The following USP8 variants were observed in gnomAD, a reference collection of about 807,000 sequenced individuals.
The protein encoded by USP8 is ubiquitin carboxyl-terminal hydrolase 8.
A neutral mutation model predicts 130.0 loss-of-function variants in USP8; 27 were observed. That is an observed-to-expected ratio of 0.21 (90% CI 0.15 to 0.29). The LOEUF (loss-of-function observed/expected upper bound fraction) is 0.29, where lower values mean the gene tolerates loss of function less well. Ranked by LOEUF, USP8 falls within the 10% of genes least tolerant of loss-of-function variation. USP8 has a pLI of 1.00. For synonymous variants in USP8, 392 were observed against 444.1 expected (o/e 0.88, Z 1.48); for missense variants, 1,029 against 1,312.2 (o/e 0.78, Z 3.33).
intron 3 of USP8, among the ~76,000 whole-genome samples, chr15:50,446,626 A>G (rs988228488): frequency 1.3e-5 from 2 of 152,240 alleles, no homozygotes; most frequent in Admixed American, 6.5e-5. Flanking sequence ...TGTAATGTTC[A>G]ATTGATACGA....
chr15:50,428,126 G>A (rs1310051502), intron 1 of USP8, among the ~76,000 whole-genome samples: 1 of 150,976 alleles, frequency 6.6e-6, no homozygotes, highest in African/African-American at 2.4e-5. Context: ...TTTTTTGTTT[G>A]TTTGTTTTTG....
chr15:50,498,875 A>ATT, intron 19 of USP8, 28 bp from the exon 20 acceptor site: 5 of 1,560,972 alleles, frequency 3.2e-6, no homozygotes, highest in South Asian at 2.4e-5. Context: ...AACTGAATTG[A>ATT]TTTTTTTTTC....
At chr15:50,465,291 G>T in intron 7 of USP8, 100 bp downstream of exon 7, 1 of 1,092,600 alleles carries the variant, frequency 9.2e-7, no homozygotes, top group Non-Finnish European at 1.2e-6. Context: ...ATGTGATAAA[G>T]TAGTCTTTTC....
chr15:50,453,041 C>A (rs889613470), intron 4 of USP8, among the ~76,000 whole-genome samples: 1 of 152,036 alleles, frequency 6.6e-6, no homozygotes. Context: ...GTTGATATTT[C>A]CATAGAGATA....
At position 50,500,561 on chromosome 15, in the gene USP8, G is replaced by T; in HGVS notation, c.*1473G>T. ...AGGCATAAAAATGTTAATGATGCAA[G>T]TAAGTTCTAAGAGTTTAATGACCAA... is the stretch of plus-strand genomic sequence containing the variant. On this transcript the variant is annotated 3_prime_UTR_variant, in exon 20 of 20. Coordinates refer to ENST00000307179, the MANE Select transcript of USP8 (RefSeq NM_005154.5). 2.0e-6 allele frequency: 1 copy of T among 499,132 alleles called. No homozygotes were observed. Among genetic ancestry groups the T allele is most frequent in the Non-Finnish European group, 3.6e-6 (1 of 274,582 alleles). 30.9% of individuals were successfully genotyped at this position (499,132 alleles called of 1,614,324 possible). A position where few individuals can be genotyped will look rare whatever the true frequency, so the allele number is the denominator to read the frequency against.
Position 50,449,396 on chromosome 15 carries a change from T to A in USP8, c.250-4T>A. Reference sequence around the variant, plus strand: ...AATATGGGATGGTTTTCCTATAATTTTAGGATTATTTCCATTCAATACTTG... The same window carrying A: ...AATATGGGATGGTTTTCCTATAATTATAGGATTATTTCCATTCAATACTTG... On this transcript the variant is annotated splice_polypyrimidine_tract_variant and splice_region_variant and intron_variant, in intron 3 of 19. Transcript: ENST00000307179. 6.4e-7 allele frequency: 1 copy of A among 1,560,926 alleles called. No individual in the cohort carries two copies. The highest frequency in any genetic ancestry group is 8.7e-7 in the Non-Finnish European group (1 of 1,152,864).
chr15:50,477,496 A>G lies in USP8; in HGVS notation c.1215A>G (p.Pro405=), dbSNP rs762029877. 4 of 1,610,094 alleles carry G rather than the reference A, an allele frequency of 2.5e-6. No individual in the cohort carries two copies. The highest frequency in any genetic ancestry group is 1.7e-5 in the Admixed American group (1 of 59,366). ...IQPVPSIKNV[P]QIDRTKKPAV... ...CAGTGCCTAGTATAAAGAATGTTCCACAGGTATGTTCTTGATTTTAACATT... is the reference window on the plus strand; with the variant it reads ...CAGTGCCTAGTATAAAGAATGTTCCGCAGGTATGTTCTTGATTTTAACATT... Residue 405 remains proline (P), a synonymous_variant, in exon 10 of 20, where the codon CCA becomes CCG. Transcript: ENST00000307179.
rs1043974046 is a variant in USP8, at chr15:50,504,139, A to G, written c.*5051A>G. 2 of 152,250 alleles carry G rather than the reference A, an allele frequency of 1.3e-5. No individual in the cohort carries two copies. The highest frequency in any genetic ancestry group is 4.8e-5 in the African/African-American group (2 of 41,464). The allele number at this position is 152,250 out of a possible 1,614,324, so 9.4% of individuals were successfully genotyped here. Reference sequence around the variant, plus strand: ...ACATATTTTAAAATACAGTGTAACAACTATTTACATAGTATTTATATTGTA... The same window carrying G: ...ACATATTTTAAAATACAGTGTAACAGCTATTTACATAGTATTTATATTGTA... On this transcript the variant is annotated 3_prime_UTR_variant, in exon 20 of 20. Transcript: ENST00000307179.
At chr15:50,439,256 T>C in intron 2 of USP8, 79 bp downstream of exon 2, 1 of 924,928 alleles carries the variant, frequency 1.1e-6, no homozygotes, top group Admixed American at 3.2e-5. Flanking sequence ...TAGATGAATG[T>C]TAAAGTTTAT....
intron 12 of USP8, among the ~76,000 whole-genome samples, chr15:50,488,538 C>T (rs1216966420): frequency 7.1e-6 from 1 of 141,408 alleles, no homozygotes; most frequent in East Asian, 2.3e-4. Context: ...TGCATGCCAT[C>T]ACATCAAGGT....
chr15:50,459,247 AG>A (rs1459547111), intron 5 of USP8, 85 bp downstream of exon 5: 2 of 1,479,810 alleles, frequency 1.4e-6, no homozygotes, highest in African/African-American at 2.9e-5. Flanking sequence ...ACCACTATAA[AG>A]TTCTTTTAGG....
chr15:50,456,246 A>G (rs909402347), intron 4 of USP8, among the ~76,000 whole-genome samples: 2 of 152,188 alleles, frequency 1.3e-5, no homozygotes, highest in African/African-American at 4.8e-5. Flanking sequence ...AATGGAATAC[A>G]TAATTCAGAA....
At chr15:50,472,658 C>T (rs954877927) in intron 8 of USP8, among the ~76,000 whole-genome samples, 1 of 151,272 alleles carries the variant, frequency 6.6e-6, no homozygotes, top group East Asian at 1.9e-4. Context: ...TGCCTGTAAT[C>T]CCAACACTTT....
intron 16 of USP8, among the ~76,000 whole-genome samples, chr15:50,494,678 C>T (rs2052305989): frequency 6.6e-6 from 1 of 152,092 alleles, no homozygotes; most frequent in Non-Finnish European, 1.5e-5. Context: ...CAGTCCCTTG[C>T]TGAAAGTGGA....
intron 8 of USP8, among the ~76,000 whole-genome samples, chr15:50,473,320 T>A (rs2051444581): frequency 1.3e-5 from 2 of 152,144 alleles, no homozygotes; most frequent in South Asian, 4.1e-4. Flanking sequence ...TATTCTCTCA[T>A]GTAATTTAAA....
chr15:50,482,504 A>G (rs997111616), intron 11 of USP8, among the ~76,000 whole-genome samples: 1 of 152,194 alleles, frequency 6.6e-6, no homozygotes, highest in Non-Finnish European at 1.5e-5. Flanking sequence ...TTATCTTTGC[A>G]TATAGTGATT....
intron 11 of USP8, 64 bp downstream of exon 11, chr15:50,482,129 A>G: frequency 7.2e-7 from 1 of 1,392,378 alleles, no homozygotes; most frequent in Admixed American, 2.7e-5. Context: ...ATGTGAAAAC[A>G]CCAGTGGCAT....
intron 3 of USP8, among the ~76,000 whole-genome samples, chr15:50,447,295 C>G (rs2050473767): frequency 6.6e-6 from 1 of 152,170 alleles, no homozygotes; most frequent in South Asian, 2.1e-4. Flanking sequence ...GACTGGAGTT[C>G]AGTGGCACTG....
At chr15:50,488,787 G>A (rs1227397283) in intron 12 of USP8, among the ~76,000 whole-genome samples, 3 of 151,522 alleles carry the variant, frequency 2.0e-5, no homozygotes, top group Admixed American at 6.6e-5. Context: ...TGCCCAGGCT[G>A]GTCTCGAACT....
Sources: allele counts gnomAD v4.1 joint callset (sites outside exome capture counted in the v4.1 genomes callset), GRCh38; gene constraint gnomAD v4.1.1; transcripts MANE v1.5; gene names NCBI Gene and HGNC (gene_info 2026-07-23, HGNC 2026-07-21).